LDLRAD3: variants seen among roughly 807,000 people sequenced by gnomAD.
LDLRAD3 encodes low-density lipoprotein receptor class A domain-containing protein 3.
In LDLRAD3, 20 loss-of-function variants were observed where a neutral mutation model predicts 29.4. That is an observed-to-expected ratio of 0.68 (90% CI 0.48 to 0.99). The LOEUF is 0.99. Ranked by LOEUF, LDLRAD3 falls within the 50% of genes least tolerant of loss-of-function variation. The pLI, the probability that LDLRAD3 is intolerant of heterozygous loss-of-function variation, is 0.00. For synonymous variants in LDLRAD3, 157 were observed against 192.7 expected (o/e 0.81, Z 1.53); for missense variants, 420 against 454.3 (o/e 0.92, Z 0.69).
chr11:36,206,320 G>T (rs1855207926), intron 4 of LDLRAD3, among the ~76,000 whole-genome samples: 1 of 152,200 alleles, frequency 6.6e-6, no homozygotes, highest in African/African-American at 2.4e-5. Flanking sequence ...GCAAGGCTGA[G>T]CTAAGTGCTT....
At chr11:36,084,356 C>T (rs891802580) in intron 3 of LDLRAD3, among the ~76,000 whole-genome samples, 3 of 152,118 alleles carry the variant, frequency 2.0e-5, no homozygotes, top group African/African-American at 7.2e-5. Flanking sequence ...GGTGGGGCAC[C>T]CGTCTTAACC....
intron 1 of LDLRAD3, among the ~76,000 whole-genome samples, chr11:35,990,500 C>T (rs910767367): frequency 6.6e-6 from 1 of 152,038 alleles, no homozygotes; most frequent in Non-Finnish European, 1.5e-5. Flanking sequence ...TAACTGCCAC[C>T]TCTGTCTCCT....
In LDLRAD3 at chr11:36,064,517, G is replaced by A. The variant is rs1026701586; in HGVS notation, c.194-17136G>A. Among the ~76,000 whole-genome samples, 4 of 86,554 alleles carry A rather than the reference G, an allele frequency of 4.6e-5. No homozygotes were observed. In the East Asian group the frequency reaches 1.2e-3, roughly 26 times the overall value. 56.8% of individuals were successfully genotyped at this position (86,554 alleles called of 152,430 possible). A position where few individuals can be genotyped will look rare whatever the true frequency, so the allele number is the denominator to read the frequency against. ...TTTTTTTTTGTAGAGATGGGGTTTT[G>A]CCATGTTGCCCAGGCTGGTCTCCAG... On this transcript the variant is annotated intron_variant, in intron 2 of 5. Coordinates refer to ENST00000315571, the MANE Select transcript of LDLRAD3 (RefSeq NM_174902.4).
chr11:36,195,993 A>G (rs1202352064), intron 4 of LDLRAD3, among the ~76,000 whole-genome samples: 1 of 151,296 alleles, frequency 6.6e-6, no homozygotes, highest in Non-Finnish European at 1.5e-5. Flanking sequence ...CAGTCAGCCC[A>G]TCCCAACTTT....
At chr11:36,021,584 G>C (rs1314775043) in intron 1 of LDLRAD3, among the ~76,000 whole-genome samples, 1 of 152,210 alleles carries the variant, frequency 6.6e-6, no homozygotes, top group African/African-American at 2.4e-5. Context: ...AGGAGAGAGT[G>C]ATGGTGGTGG....
At position 35,958,902 on chromosome 11, in the gene LDLRAD3, C is replaced by T. The variant is rs1401963528; in HGVS notation, c.46+14758C>T. Reference sequence around the variant, plus strand: ...TTCACGTGTGCAGACGTGCGCTGCTCTCGTCTAGATTGCAGACCCTCCTGG... The same window carrying T: ...TTCACGTGTGCAGACGTGCGCTGCTTTCGTCTAGATTGCAGACCCTCCTGG... On this transcript the variant is annotated intron_variant, in intron 1 of 5. Transcript: ENST00000315571. Among the ~76,000 whole-genome samples, 4 of 152,258 alleles carry T rather than the reference C, an allele frequency of 2.6e-5. No homozygotes were observed. In the East Asian group the frequency reaches 7.7e-4, roughly 29 times the overall value.
At chr11:36,212,551 CAA>C (rs34139512) in intron 4 of LDLRAD3, among the ~76,000 whole-genome samples, 9,793 of 123,086 alleles carry the variant, frequency 0.08, 414 homozygotes, top group East Asian at 0.22. Flanking sequence ...GACCCTGTCT[CAA>C]AAAAAAAAAA....
At chr11:36,136,574 A>C (rs1166623411) in intron 4 of LDLRAD3, among the ~76,000 whole-genome samples, 1 of 152,058 alleles carries the variant, frequency 6.6e-6, no homozygotes, top group Non-Finnish European at 1.5e-5. Flanking sequence ...TCACCATGTG[A>C]CATGCCTGCT....
intron 4 of LDLRAD3, among the ~76,000 whole-genome samples, chr11:36,105,906 C>T (rs1853522520): frequency 1.3e-5 from 2 of 152,168 alleles, no homozygotes; most frequent in African/African-American, 4.8e-5. Context: ...AAGCAAGGCA[C>T]AGCCATTCAC....
rs926692088 is a variant in LDLRAD3, at chr11:35,962,701, T to A, written c.46+18557T>A. 2.0e-5 allele frequency among the ~76,000 whole-genome samples: 3 copies of A among 152,328 alleles called. No individual in the cohort carries two copies. In the South Asian group the frequency reaches 6.2e-4, roughly 32 times the overall value. On this transcript the variant is annotated intron_variant, in intron 1 of 5. Coordinates refer to ENST00000315571, the MANE Select transcript of LDLRAD3 (RefSeq NM_174902.4). The stretch of plus-strand genomic sequence containing the variant: ...GACTGTTCCCTTTCCTGTTTAAATA[T>A]GTTATATTTGTTTGCGAGATGGAAG...
intron 4 of LDLRAD3, among the ~76,000 whole-genome samples, chr11:36,206,076 T>G (rs1231833532): frequency 6.6e-6 from 1 of 152,208 alleles, no homozygotes; most frequent in Non-Finnish European, 1.5e-5. Flanking sequence ...TTATTTCTTC[T>G]CAACTTAGAA....
At chr11:36,177,676 C>G (rs529452030) in intron 4 of LDLRAD3, among the ~76,000 whole-genome samples, 1 of 152,314 alleles carries the variant, frequency 6.6e-6, no homozygotes, top group South Asian at 2.1e-4. Flanking sequence ...GTAATGTGAT[C>G]CATCTTCACG....
chr11:36,103,527 C>T (rs1205913113), intron 4 of LDLRAD3, among the ~76,000 whole-genome samples: 1 of 152,204 alleles, frequency 6.6e-6, no homozygotes, highest in Non-Finnish European at 1.5e-5. Flanking sequence ...GCGTGAGCCA[C>T]CGTGCCTGGC....
intron 4 of LDLRAD3, among the ~76,000 whole-genome samples, chr11:36,118,736 A>G (rs1340973770): frequency 1.3e-5 from 2 of 152,248 alleles, no homozygotes; most frequent in South Asian, 2.1e-4. Context: ...ACACAATTCA[A>G]TGTGTATTCA....
At chr11:36,118,102 A>C (rs1565235202) in intron 4 of LDLRAD3, among the ~76,000 whole-genome samples, 1 of 152,184 alleles carries the variant, frequency 6.6e-6, no homozygotes, top group South Asian at 2.1e-4. Context: ...ATTGGCATTT[A>C]ATCATAGGGT....
At chr11:36,066,911 G>T (rs994243810) in intron 2 of LDLRAD3, among the ~76,000 whole-genome samples, 1 of 152,136 alleles carries the variant, frequency 6.6e-6, no homozygotes, top group Non-Finnish European at 1.5e-5. Context: ...AAAGATGTCT[G>T]TTGGCTTCCA....
chr11:36,114,310 G>A (rs781023061), intron 4 of LDLRAD3, among the ~76,000 whole-genome samples: 2 of 152,174 alleles, frequency 1.3e-5, no homozygotes, highest in African/African-American at 2.4e-5. Context: ...AACACTGTGC[G>A]GTGCCAACCG....
At chr11:36,210,115 C>T (rs1053258046) in intron 4 of LDLRAD3, among the ~76,000 whole-genome samples, 2 of 152,198 alleles carry the variant, frequency 1.3e-5, no homozygotes, top group African/African-American at 4.8e-5. Context: ...TCCCAGAGCT[C>T]CCCATCCATT....
chr11:36,083,648 T>C (rs1472022319), intron 3 of LDLRAD3, among the ~76,000 whole-genome samples: 3 of 152,124 alleles, frequency 2.0e-5, no homozygotes, highest in Non-Finnish European at 2.9e-5. Flanking sequence ...ACTTCTTTTG[T>C]ATTTTAGTTA....
Sources: allele counts gnomAD v4.1 joint callset (sites outside exome capture counted in the v4.1 genomes callset), GRCh38; gene constraint gnomAD v4.1.1; transcripts MANE v1.5; gene names NCBI Gene and HGNC (gene_info 2026-07-23, HGNC 2026-07-21).